RUNX2: variants seen among roughly 807,000 people sequenced by gnomAD.
RUNX2 encodes runt-related transcription factor 2.
In RUNX2, 10 loss-of-function variants were observed where a neutral mutation model predicts 51.7. The ratio of observed to expected loss-of-function variants is 0.19; its 90% CI spans 0.12 to 0.33. The LOEUF (loss-of-function observed/expected upper bound fraction) is 0.33. Ranked by LOEUF, RUNX2 falls within the 10% of genes least tolerant of loss-of-function variation. The probability of loss-of-function intolerance (pLI) is 1.00; values close to 1 mark genes in which losing one functional copy is unlikely to be tolerated. For synonymous variants in RUNX2, 276 were observed against 273.6 expected (o/e 1.01, Z -0.09); for missense variants, 562 against 691.3 (o/e 0.81, Z 2.10).
chr6:45,404,752 A>T (rs1343252295), intron 2 of RUNX2, among the ~76,000 whole-genome samples: 1 of 152,252 alleles, frequency 6.6e-6, no homozygotes, highest in Non-Finnish European at 1.5e-5. Context: ...GAGTCTCAAC[A>T]TTGCAGAATC....
intron 5 of RUNX2, among the ~76,000 whole-genome samples, chr6:45,473,963 G>A (rs1582149134): frequency 6.6e-6 from 1 of 152,188 alleles, no homozygotes; most frequent in African/African-American, 2.4e-5. Flanking sequence ...CTCAGCTGCC[G>A]CAGCACCGCC....
chr6:45,365,356 C>T, intron 2 of RUNX2: 1 of 955,102 alleles, frequency 1.0e-6, no homozygotes, highest in African/African-American at 1.8e-5. Context: ...TAAGTAAATG[C>T]AAAAAAAAAA....
chr6:45,403,485 A>G (rs10456553), intron 2 of RUNX2, among the ~76,000 whole-genome samples: 26,793 of 152,084 alleles, frequency 0.18, 2,930 homozygotes, highest in Non-Finnish European at 0.25. Flanking sequence ...CGCCCGCCTC[A>G]GCATCTCAAA....
intron 2 of RUNX2, among the ~76,000 whole-genome samples, chr6:45,392,127 G>A (rs973686548): frequency 3.3e-5 from 5 of 152,108 alleles, no homozygotes; most frequent in East Asian, 3.9e-4. Flanking sequence ...TCAGAATTAC[G>A]TAATACATAA....
intron 7 of RUNX2, among the ~76,000 whole-genome samples, chr6:45,529,515 T>G (rs1267153178): frequency 1.3e-5 from 2 of 151,834 alleles, no homozygotes; most frequent in Non-Finnish European, 2.9e-5. Context: ...TCAAACCTAG[T>G]TTTTAACCTT....
At chr6:45,419,916 G>C (rs1798143274) in intron 2 of RUNX2, among the ~76,000 whole-genome samples, 1 of 152,132 alleles carries the variant, frequency 6.6e-6, no homozygotes, top group Non-Finnish European at 1.5e-5. Flanking sequence ...CGGCGGCTGT[G>C]GGGCGGGAGG....
intron 2 of RUNX2, among the ~76,000 whole-genome samples, chr6:45,395,346 A>G (rs1797558915): frequency 6.6e-6 from 1 of 152,232 alleles, no homozygotes; most frequent in African/African-American, 2.4e-5. Flanking sequence ...AACATCTATC[A>G]GCTGAAGTCA....
chr6:45,485,316 C>T (rs1800241122), intron 5 of RUNX2, among the ~76,000 whole-genome samples: 1 of 151,886 alleles, frequency 6.6e-6, no homozygotes, highest in Non-Finnish European at 1.5e-5. Context: ...GATTCTCCTG[C>T]CTCAGCCTCC....
intron 2 of RUNX2, among the ~76,000 whole-genome samples, chr6:45,355,175 T>C (rs1200308762): frequency 6.7e-6 from 1 of 149,542 alleles, no homozygotes; most frequent in Non-Finnish European, 1.5e-5. Context: ...TACCACAGAC[T>C]GGTCTTAAAC....
intron 2 of RUNX2, among the ~76,000 whole-genome samples, chr6:45,371,134 G>A (rs911463643): frequency 1.3e-5 from 2 of 152,072 alleles, no homozygotes; most frequent in African/African-American, 4.8e-5. Context: ...ACAGTAAGAG[G>A]TAAGTGTATT....
intron 2 of RUNX2, among the ~76,000 whole-genome samples, chr6:45,417,058 G>A (rs924316196): frequency 6.6e-6 from 1 of 152,106 alleles, no homozygotes; most frequent in African/African-American, 2.4e-5. Context: ...AGTATTTAAC[G>A]GTATAAAAAG....
intron 2 of RUNX2, among the ~76,000 whole-genome samples, chr6:45,404,058 G>A (rs563058745): frequency 1.5e-4 from 23 of 151,978 alleles, no homozygotes; most frequent in African/African-American, 5.1e-4. Context: ...TCAGAAGTTC[G>A]AGACCACCCT....
rs557280437 is a variant in RUNX2, at chr6:45,436,299, T to TA, written c.581-1638dup. Among the ~76,000 whole-genome samples, 1,050 of 148,880 alleles carry TA rather than the reference T, an allele frequency of 7.1e-3. 12 individuals are homozygous for TA. Among genetic ancestry groups the TA allele is most frequent in the Non-Finnish European group, 9.4e-3 (630 of 66,966 alleles). ...GGAAGTGGCCAAGTGACAGAATATT[T>TA]AAAAAAAAAAGAGCATTAATTTTAG... On this transcript the variant is annotated intron_variant, in intron 4 of 8. Transcript: ENST00000647337.
chr6:45,373,693 G>A (rs1056140452), intron 2 of RUNX2, among the ~76,000 whole-genome samples: 2 of 152,062 alleles, frequency 1.3e-5, no homozygotes, highest in African/African-American at 4.8e-5. Flanking sequence ...TGGGACTACA[G>A]GCATGCACCA....
chr6:45,359,312 A>G (rs1406618327), intron 2 of RUNX2, among the ~76,000 whole-genome samples: 4 of 152,146 alleles, frequency 2.6e-5, no homozygotes, highest in Admixed American at 6.6e-5. Context: ...TATGTTCTCA[A>G]TCTGCTTTTA....
At chr6:45,510,533 G>A (rs1348580217) in intron 6 of RUNX2, among the ~76,000 whole-genome samples, 1 of 152,092 alleles carries the variant, frequency 6.6e-6, no homozygotes, top group African/African-American at 2.4e-5. Context: ...AGGTTTTAAC[G>A]GAGGAATGAT....
At chr6:45,465,793 G>A (rs1355996710) in intron 5 of RUNX2, among the ~76,000 whole-genome samples, 6 of 150,418 alleles carry the variant, frequency 4.0e-5, no homozygotes, top group Non-Finnish European at 8.9e-5. Context: ...ATACCACCAC[G>A]CCTGGCTAAT....
At chr6:45,437,544 C>T (rs1449545853) in intron 4 of RUNX2, among the ~76,000 whole-genome samples, 2 of 152,158 alleles carry the variant, frequency 1.3e-5, no homozygotes, top group African/African-American at 4.8e-5. Context: ...TACTATTGTT[C>T]TCTCGTGAGG....
chr6:45,414,490 T>G (rs1470983799), intron 2 of RUNX2, among the ~76,000 whole-genome samples: 1 of 152,240 alleles, frequency 6.6e-6, no homozygotes, highest in Non-Finnish European at 1.5e-5. Context: ...ATTTACAAAC[T>G]TGTAAGTCCG....
Sources: allele counts gnomAD v4.1 joint callset (sites outside exome capture counted in the v4.1 genomes callset), GRCh38; gene constraint gnomAD v4.1.1; transcripts MANE v1.5; gene names NCBI Gene and HGNC (gene_info 2026-07-23, HGNC 2026-07-21).